The following SPA17 variants were observed in gnomAD, a reference collection of about 807,000 sequenced individuals.
The protein encoded by SPA17 is sperm autoantigenic protein 17, also known as sperm surface protein Sp17.
In SPA17, 7 loss-of-function variants were observed where a neutral mutation model predicts 13.8. The ratio of observed to expected loss-of-function variants is 0.51; its 90% CI spans 0.29 to 0.95. SPA17 has a LOEUF of 0.95. Among genes scored for constraint, SPA17 ranks in the 40% least tolerant of loss-of-function variants. SPA17 has a pLI of 0.08. For missense variants in SPA17, 170 were observed against 179.3 expected, an observed-to-expected ratio of 0.95 and a Z score of 0.30; for synonymous variants, 61 against 59.0, an observed-to-expected ratio of 1.03 and a Z score of -0.16.
rs373175153 is a variant in SPA17, at chr11:124,694,434, G to A, written c.444G>A (p.Glu148=). ...ATAGTCTTCAAAATGAGGAAAAAGA[G>A]GAAAACAAGTGAGGACACTGGTTTT... is the stretch of plus-strand genomic sequence containing the variant. ...KTNSLQNEEK[E]ENK is the part of the protein sequence containing the mutation. Residue 148 remains glutamate (E), a synonymous_variant, in exon 5 of 5, where the codon GAG becomes GAA. Coordinates refer to ENST00000227135, the MANE Select transcript of SPA17 (RefSeq NM_017425.4). The A allele has an allele frequency of 2.2e-5, 35 of 1,611,150 alleles. No individual in the cohort carries two copies. The highest frequency in any genetic ancestry group is 3.0e-5 in the Non-Finnish European group (35 of 1,179,058).
At chr11:124,692,752 C>T (rs1386379458) in intron 4 of SPA17, among the ~76,000 whole-genome samples, 2 of 152,148 alleles carry the variant, frequency 1.3e-5, no homozygotes, top group South Asian at 2.1e-4. Context: ...CTTACCAGTA[C>T]ATCATTGTCT....
chr11:124,689,635 G>C (rs1331464868), intron 3 of SPA17, among the ~76,000 whole-genome samples: 1 of 151,890 alleles, frequency 6.6e-6, no homozygotes, highest in African/African-American at 2.4e-5. Context: ...AAATTAGCCA[G>C]ACGTGGTGGT....
chr11:124,681,347 G>A, intron 2 of SPA17, 42 bp from the exon 3 acceptor site: 1 of 1,461,210 alleles, frequency 6.8e-7, no homozygotes, highest in Non-Finnish European at 9.3e-7. Flanking sequence ...TTACCTTAAT[G>A]AATTCAAATA....
chr11:124,680,222 G>A (rs1467266756), intron 2 of SPA17, among the ~76,000 whole-genome samples: 6 of 152,116 alleles, frequency 3.9e-5, no homozygotes, highest in Non-Finnish European at 8.8e-5. Context: ...TATAAAAAGA[G>A]TAACCAGATA....
At chr11:124,679,883 C>A (rs1007352410) in intron 2 of SPA17, among the ~76,000 whole-genome samples, 2 of 152,080 alleles carry the variant, frequency 1.3e-5, no homozygotes, top group Non-Finnish European at 2.9e-5. Flanking sequence ...AAGAATAATA[C>A]GTGCATTGGA....
chr11:124,676,123 T>C (rs1448710169), intron 2 of SPA17: 1 of 152,260 alleles, frequency 6.6e-6, no homozygotes, highest in African/African-American at 2.4e-5. Context: ...GGTTTATGAC[T>C]GTCAGGACTT....
At chr11:124,681,352 C>A in intron 2 of SPA17, 37 bp from the exon 3 acceptor site, 1 of 1,484,448 alleles carries the variant, frequency 6.7e-7, no homozygotes, top group Non-Finnish European at 9.2e-7. Flanking sequence ...TTAATGAATT[C>A]AAATAAATCT....
chr11:124,690,411 A>C (rs550854707), intron 3 of SPA17, among the ~76,000 whole-genome samples: 13 of 152,306 alleles, frequency 8.5e-5, no homozygotes, highest in East Asian at 3.9e-4. Flanking sequence ...GTGCTGAAAA[A>C]ATGTGTTTAA....
intron 3 of SPA17, among the ~76,000 whole-genome samples, chr11:124,686,774 A>G (rs1433697831): frequency 1.3e-5 from 2 of 152,206 alleles, no homozygotes; most frequent in Non-Finnish European, 2.9e-5. Context: ...ACAACATAAC[A>G]AAACCTATGG....
rs767777702 is a variant in SPA17, at chr11:124,675,296, G to A, written c.32G>A (p.Arg11Gln). The part of the protein sequence containing the change: MSIPFSNTHY[R>Q]IPQGFGNLLE... ...ATTCCATTCTCCAACACCCACTACC[G>A]AATTCCACAAGGATTTGGGAATCTT... Residue 11 changes from arginine to glutamine, a missense_variant, in exon 2 of 5, where the codon CGA becomes CAA. Coordinates refer to ENST00000227135, the MANE Select transcript of SPA17 (RefSeq NM_017425.4). 3.1e-6 allele frequency: 5 copies of A among 1,613,976 alleles called. No homozygotes were observed. The highest frequency in any genetic ancestry group is 1.1e-5 in the South Asian group (1 of 91,034).
chr11:124,680,192 A>C (rs1943514323), intron 2 of SPA17, among the ~76,000 whole-genome samples: 1 of 152,226 alleles, frequency 6.6e-6, no homozygotes. Flanking sequence ...AGCAAGGATC[A>C]TCAGGGGGCC....
chr11:124,692,484 G>A (rs999263765), intron 4 of SPA17, among the ~76,000 whole-genome samples: 1 of 152,092 alleles, frequency 6.6e-6, no homozygotes, highest in Non-Finnish European at 1.5e-5. Context: ...GGAGGCTGAG[G>A]CAAGAGAATG....
At chr11:124,684,953 C>G (rs980565777) in intron 3 of SPA17, among the ~76,000 whole-genome samples, 3 of 152,180 alleles carry the variant, frequency 2.0e-5, no homozygotes, top group Admixed American at 1.3e-4. Flanking sequence ...CAAGAGGAAG[C>G]AGATCATAAA....
chr11:124,680,701 A>T (rs975678952), intron 2 of SPA17, among the ~76,000 whole-genome samples: 3 of 152,182 alleles, frequency 2.0e-5, no homozygotes, highest in African/African-American at 7.2e-5. Context: ...ATTGAGATAC[A>T]TTCTGAAATA....
Position 124,694,542 on chromosome 11 carries a change from G to T in SPA17, c.*96G>T. ...TCTTCCTGAGGAAGGAAGATTTGAT[G>T]TTGTGAAATAACATTCGTTACTGTT... is the stretch of plus-strand genomic sequence containing the variant. On this transcript the variant is annotated 3_prime_UTR_variant, in exon 5 of 5. Transcript: ENST00000227135. The T allele has an allele frequency of 6.8e-7, 1 of 1,465,874 alleles. No individual in the cohort carries two copies. Among genetic ancestry groups the T allele is most frequent in the Non-Finnish European group, 9.2e-7 (1 of 1,088,194 alleles). The allele number at this position is 1,465,874 out of a possible 1,614,324, so 90.8% of individuals were successfully genotyped here.
In SPA17 at chr11:124,675,251, T is replaced by G; in HGVS notation, c.-14T>G. The G allele has an allele frequency of 6.2e-7, 1 of 1,610,644 alleles. No homozygotes were observed. Among genetic ancestry groups the G allele is most frequent in the African/African-American group, 1.3e-5 (1 of 74,802 alleles). ...ATGAATCTTTAGGTTCCATAGGCAG[T>G]TCTTACCAAGAAGATGTCGATTCCA... On this transcript the variant is annotated 5_prime_UTR_variant, in exon 2 of 5. Coordinates refer to ENST00000227135, the MANE Select transcript of SPA17 (RefSeq NM_017425.4).
intron 4 of SPA17, among the ~76,000 whole-genome samples, chr11:124,692,448 C>T (rs1311544482): frequency 3.9e-5 from 6 of 151,944 alleles, no homozygotes; most frequent in South Asian, 2.1e-4. Context: ...GGCATGGTGG[C>T]GGGCGCCTGT....
At position 124,695,542 on chromosome 11, in the gene SPA17, G is replaced by C. The variant is rs551509967; in HGVS notation, c.*1096G>C. 3 of 152,146 alleles carry C rather than the reference G, an allele frequency of 2.0e-5. No homozygotes were observed. Among genetic ancestry groups the C allele is most frequent in the Non-Finnish European group, 4.4e-5 (3 of 68,030 alleles). The allele number at this position is 152,146 out of a possible 1,614,324, so 9.4% of individuals were successfully genotyped here. On this transcript the variant is annotated 3_prime_UTR_variant, in exon 5 of 5. Coordinates refer to ENST00000227135, the MANE Select transcript of SPA17 (RefSeq NM_017425.4). ...ACCCTTGATTGTCCAAGAAACTGAG[G>C]GTTCATGTCTTAGACCAAAGGGTGC...
chr11:124,679,756 T>C (rs1396687144), intron 2 of SPA17, among the ~76,000 whole-genome samples: 1 of 152,176 alleles, frequency 6.6e-6, no homozygotes, highest in Admixed American at 6.5e-5. Flanking sequence ...CGTCTTGCCA[T>C]ACCAGAGAAC....
Sources: gnomAD v4.1 joint callset for allele counts (sites outside exome capture counted in the v4.1 genomes callset) on GRCh38, gnomAD v4.1.1 for gene constraint, MANE v1.5 for transcripts, NCBI Gene and HGNC (gene_info 2026-07-23, HGNC 2026-07-21) for gene names.